Variants in FNDC3A observed in about 807,000 individuals in gnomAD.
FNDC3A encodes the protein fibronectin type-III domain-containing protein 3A.
FNDC3A carries 32 observed loss-of-function variants against 148.9 expected under a neutral mutation model. The observed-to-expected ratio is 0.21, with a 90% confidence interval of 0.16 to 0.29. The LOEUF is 0.29. Among genes scored for constraint, FNDC3A ranks in the 10% least tolerant of loss-of-function variants. The pLI, the probability that FNDC3A is intolerant of heterozygous loss-of-function variation, is 1.00. For missense variants in FNDC3A, 1,191 were observed against 1,452.8 expected (o/e 0.82, Z 2.93); for synonymous variants, 472 against 473.6 (o/e 1.00, Z 0.04).
chr13:49,133,785 G>C (rs938385467), intron 5 of FNDC3A, among the ~76,000 whole-genome samples: 2 of 152,150 alleles, frequency 1.3e-5, no homozygotes, highest in African/African-American at 4.8e-5. Context: ...AGTAATTTCT[G>C]CAAGGCCACA....
intron 19 of FNDC3A, among the ~76,000 whole-genome samples, chr13:49,194,549 T>C (rs2138117257): frequency 6.6e-6 from 1 of 152,350 alleles, no homozygotes; most frequent in South Asian, 2.1e-4. Context: ...GTTTGTTTTT[T>C]TTCATTGCTT....
chr13:49,187,778 A>T (rs1337832291), intron 16 of FNDC3A: 1 of 733,090 alleles, frequency 1.4e-6, no homozygotes, highest in Non-Finnish European at 2.3e-6. Context: ...CTTTGTTTGT[A>T]GCAGTTAGGA....
At chr13:49,152,280 G>A (rs976056990) in intron 8 of FNDC3A, among the ~76,000 whole-genome samples, 40 of 152,280 alleles carry the variant, frequency 2.6e-4, no homozygotes, top group African/African-American at 9.6e-4. Flanking sequence ...TAACTGGTGT[G>A]AGATGGGATC....
intron 4 of FNDC3A, among the ~76,000 whole-genome samples, chr13:49,117,456 A>T (rs546403471): frequency 1.3e-5 from 2 of 152,056 alleles, no homozygotes; most frequent in Non-Finnish European, 2.9e-5. Context: ...TTAAAATTCT[A>T]CCCATCCTTG....
chr13:49,166,540 T>A (rs1235093380), intron 8 of FNDC3A, among the ~76,000 whole-genome samples: 1 of 152,156 alleles, frequency 6.6e-6, no homozygotes, highest in Non-Finnish European at 1.5e-5. Flanking sequence ...CTCCCTCTCT[T>A]GAGCAATGTC....
At chr13:49,189,352 T>A (rs566788661) in intron 17 of FNDC3A, among the ~76,000 whole-genome samples, 2 of 152,152 alleles carry the variant, frequency 1.3e-5, no homozygotes, top group East Asian at 3.9e-4. Flanking sequence ...CTGGCTAATT[T>A]TTGTATTTTT....
chr13:49,107,435 C>A lies in FNDC3A; in HGVS notation c.176-7220C>A, dbSNP rs1224573276. Among the ~76,000 whole-genome samples, 3 of 152,014 alleles carry A rather than the reference C, an allele frequency of 2.0e-5. No individual in the cohort carries two copies. In the East Asian group the frequency reaches 5.8e-4, roughly 29 times the overall value. On this transcript the variant is annotated intron_variant, in intron 3 of 25. Transcript: ENST00000492622. ...TTTACCATGTTTATGGGCACAGATG[C>A]AATGGTTCAAAGAGACTGAACAAAG...
intron 25 of FNDC3A, among the ~76,000 whole-genome samples, chr13:49,203,930 G>A (rs1487981059): frequency 6.6e-6 from 1 of 152,154 alleles, no homozygotes; most frequent in Admixed American, 6.5e-5. Flanking sequence ...GCCATACTGT[G>A]GCTTTTACTC....
intron 2 of FNDC3A, chr13:49,045,650 A>G (rs538309141): frequency 2.2e-6 from 2 of 922,576 alleles, no homozygotes; most frequent in African/African-American, 1.8e-5. Context: ...TCTACAATAC[A>G]TTTTTTCCTA....
intron 8 of FNDC3A, among the ~76,000 whole-genome samples, chr13:49,162,663 G>C (rs146738415): frequency 3.1e-4 from 47 of 152,342 alleles, no homozygotes; most frequent in African/African-American, 1.0e-3. Context: ...CTGGCAAGGA[G>C]CTGTGATACT....
intron 2 of FNDC3A, among the ~76,000 whole-genome samples, chr13:49,035,033 A>G (rs1346938682): frequency 6.6e-6 from 1 of 152,204 alleles, no homozygotes; most frequent in East Asian, 1.9e-4. Context: ...ACATCTGGAA[A>G]TTGGAATTGA....
At chr13:49,017,676 C>T (rs1050087782) in intron 2 of FNDC3A, among the ~76,000 whole-genome samples, 1 of 151,802 alleles carries the variant, frequency 6.6e-6, no homozygotes, top group South Asian at 2.1e-4. Flanking sequence ...CTCATTAGTT[C>T]ATGCAGTTTC....
At chr13:48,983,690 C>T (rs1471491656) in intron 1 of FNDC3A, among the ~76,000 whole-genome samples, 4 of 152,206 alleles carry the variant, frequency 2.6e-5, no homozygotes, top group African/African-American at 9.7e-5. Flanking sequence ...GCATTAAACA[C>T]TTTCTGTATT....
chr13:49,151,619 A>C (rs758001705), intron 8 of FNDC3A, among the ~76,000 whole-genome samples: 1 of 152,106 alleles, frequency 6.6e-6, no homozygotes, highest in African/African-American at 2.4e-5. Flanking sequence ...GTACATGTGC[A>C]TACCGTACAG....
At chr13:49,100,707 A>T (rs1209279774) in intron 3 of FNDC3A, among the ~76,000 whole-genome samples, 1 of 152,138 alleles carries the variant, frequency 6.6e-6, no homozygotes, top group East Asian at 1.9e-4. Context: ...TGGCCTAATG[A>T]AAAGCTGGTT....
At chr13:48,977,467 A>G (rs1167831862) in intron 1 of FNDC3A, among the ~76,000 whole-genome samples, 3 of 152,202 alleles carry the variant, frequency 2.0e-5, no homozygotes, top group Admixed American at 2.0e-4. Flanking sequence ...ATGTTTGGAT[A>G]AATATTTAGT....
In FNDC3A at chr13:49,131,120, T is replaced by G; in HGVS notation, c.253-17T>G. On this transcript the variant is annotated splice_polypyrimidine_tract_variant and intron_variant, in intron 4 of 25. Coordinates refer to ENST00000492622, the MANE Select transcript of FNDC3A (RefSeq NM_001079673.2). ...ATATTCTATGGAAGAAATTTTAATC[T>G]GATGTTCATTTTGTAGGTTATTGAA... 1 of 1,566,978 alleles carries G rather than the reference T, an allele frequency of 6.4e-7. No individual in the cohort carries two copies. Among genetic ancestry groups the G allele is most frequent in the South Asian group, 1.1e-5 (1 of 90,130 alleles).
At chr13:49,193,170 T>G (rs560035317) in intron 19 of FNDC3A, among the ~76,000 whole-genome samples, 37 of 152,356 alleles carry the variant, frequency 2.4e-4, no homozygotes, top group African/African-American at 7.7e-4. Context: ...GAATTATCTG[T>G]GTGACTGATA....
At chr13:49,124,318 A>G (rs773638394) in intron 4 of FNDC3A, among the ~76,000 whole-genome samples, 52 of 152,088 alleles carry the variant, frequency 3.4e-4, no homozygotes, top group Non-Finnish European at 6.0e-4. Context: ...AGGGAGGGGA[A>G]CATCACACAC....
Sources: gnomAD v4.1 joint callset for allele counts (sites outside exome capture counted in the v4.1 genomes callset) on GRCh38, gnomAD v4.1.1 for gene constraint, MANE v1.5 for transcripts, NCBI Gene and HGNC (gene_info 2026-07-23, HGNC 2026-07-21) for gene names.